Variants in CLIC2 observed in about 807,000 individuals in gnomAD.
The protein encoded by CLIC2 is chloride intracellular channel protein 2.
In CLIC2, 9 loss-of-function variants were observed where a neutral mutation model predicts 14.8. That is an observed-to-expected ratio of 0.61 (90% confidence interval 0.37 to 1.06). The LOEUF is 1.06. Ranked by LOEUF, CLIC2 falls within the 50% of genes least tolerant of loss-of-function variation. CLIC2 has a pLI of 0.01. For synonymous variants in CLIC2, 61 were observed against 66.3 expected (o/e 0.92, Z 0.39); for missense variants, 148 against 181.4 (o/e 0.82, Z 1.06).
intron 1 of CLIC2, among the ~76,000 whole-genome samples, chrX:155,301,036 G>A (rs2075015501): frequency 2.0e-5 from 1 of 50,167 alleles, no homozygotes; most frequent in African/African-American, 4.7e-5. Context: ...TGTTCTTTTG[G>A]CTTAGGATTG....
At chrX:155,292,736 C>G (rs781816847) in intron 3 of CLIC2, 359 of 433,899 alleles carry the variant, frequency 8.3e-4, no homozygotes, top group Middle Eastern at 5.4e-3. Flanking sequence ...CGCCACTGCA[C>G]TCCAGCCTGG....
At chrX:155,325,351 A>ATCAACC (rs1374554068) in intron 1 of CLIC2, among the ~76,000 whole-genome samples, 7 of 111,613 alleles carry the variant, frequency 6.3e-5, no homozygotes, top group African/African-American at 1.3e-4. Context: ...AAGACTTGGA[A>ATCAACC]TCAACCCAAA....
At chrX:155,314,553 C>G (rs2075088165) in intron 1 of CLIC2, among the ~76,000 whole-genome samples, 1 of 111,880 alleles carries the variant, frequency 8.9e-6, no homozygotes, top group Non-Finnish European at 1.9e-5. Context: ...ATCAAGGGAC[C>G]ACCCCGTGGG....
At chrX:155,316,595 G>A (rs2075095931) in intron 1 of CLIC2, among the ~76,000 whole-genome samples, 1 of 110,835 alleles carries the variant, frequency 9.0e-6, no homozygotes, top group Admixed American at 9.7e-5. Context: ...CAAAACCTCT[G>A]GGATACAGCA....
At chrX:155,296,450 G>C (rs1276819918) in intron 3 of CLIC2, among the ~76,000 whole-genome samples, 1 of 111,672 alleles carries the variant, frequency 9.0e-6, no homozygotes. Context: ...CATTGTTCTA[G>C]ACAAATAATT....
chrX:155,285,312 T>C (rs1401510157), intron 3 of CLIC2, among the ~76,000 whole-genome samples: 1 of 112,167 alleles, frequency 8.9e-6, no homozygotes, highest in African/African-American at 3.2e-5. Context: ...TTATCGAATC[T>C]TCACTTTTAA....
chrX:155,277,255 T>C lies in CLIC2; in HGVS notation c.*648A>G, dbSNP rs2074901978. The C allele has an allele frequency of 8.9e-6, 1 of 111,785 alleles. No homozygotes were observed. Among genetic ancestry groups the C allele is most frequent in the Admixed American group, 9.5e-5 (1 of 10,490 alleles). 9.2% of individuals were successfully genotyped at this position (111,785 alleles called of 1,213,427 possible). On this transcript the variant is annotated 3_prime_UTR_variant, in exon 6 of 6. Coordinates refer to ENST00000369449, the MANE Select transcript of CLIC2 (RefSeq NM_001289.6). Reference sequence around the variant, plus strand: ...TCTTATATTGTTTTTTAAAATTATGTTTTATTTAATGAGTGCTTCTTCATT... The same window carrying C: ...TCTTATATTGTTTTTTAAAATTATGCTTTATTTAATGAGTGCTTCTTCATT...
At chrX:155,302,581 C>G (rs1250347714) in intron 1 of CLIC2, among the ~76,000 whole-genome samples, 32 of 77,091 alleles carry the variant, frequency 4.2e-4, no homozygotes, top group East Asian at 9.2e-4. Context: ...CTATTTCCTT[C>G]AGTTCTGCTC....
chrX:155,297,365 AAATAAGATAGAAGG>A (rs782085369), intron 3 of CLIC2, among the ~76,000 whole-genome samples: 1 of 110,923 alleles, frequency 9.0e-6, no homozygotes, highest in Non-Finnish European at 1.9e-5. Flanking sequence ...GTACACACAT[AAATAAGATAGAAGG>A]AATAAATTCA....
intron 3 of CLIC2, among the ~76,000 whole-genome samples, chrX:155,283,467 A>G (rs781818813): frequency 6.6e-4 from 74 of 111,350 alleles, no homozygotes; most frequent in Admixed American, 1.1e-3. Flanking sequence ...TCTAGGGTAC[A>G]TGTGCACAAC....
At chrX:155,326,866 C>T (rs144912227) in intron 1 of CLIC2, among the ~76,000 whole-genome samples, 83 of 111,461 alleles carry the variant, frequency 7.4e-4, no homozygotes, top group African/African-American at 1.8e-3. Flanking sequence ...ATTCCATTTA[C>T]GTAACATTCT....
intron 1 of CLIC2, among the ~76,000 whole-genome samples, chrX:155,331,269 G>A (rs1047482508): frequency 1.8e-5 from 2 of 110,965 alleles, no homozygotes; most frequent in Admixed American, 9.6e-5. Flanking sequence ...AAACACTGAG[G>A]TGTGGGGGAA....
chrX:155,318,653 A>C (rs1321696571), intron 1 of CLIC2, among the ~76,000 whole-genome samples: 1 of 111,917 alleles, frequency 8.9e-6, no homozygotes, highest in Non-Finnish European at 1.9e-5. Context: ...GCAATCTACA[A>C]ATTCAATGCA....
At chrX:155,330,758 C>T (rs1557322744) in intron 1 of CLIC2, among the ~76,000 whole-genome samples, 2 of 110,321 alleles carry the variant, frequency 1.8e-5, no homozygotes, top group East Asian at 5.7e-4. Flanking sequence ...GGAAGAAGCA[C>T]CTGAGAGATG....
In CLIC2 at chrX:155,276,349, T is replaced by G. The variant is rs2074898339; in HGVS notation, c.*1554A>C. The G allele has an allele frequency of 8.9e-6, 1 of 112,443 alleles. No homozygotes were observed. Among genetic ancestry groups the G allele is most frequent in the African/African-American group, 3.2e-5 (1 of 30,978 alleles). 9.3% of individuals were successfully genotyped at this position (112,443 alleles called of 1,213,427 possible). A position where few individuals can be genotyped will look rare whatever the true frequency, so the allele number is the denominator to read the frequency against. ...GGCGTAATTACCATATCCACCACTA[T>G]AAACATTTGTTATTTCTTTGTGGTG... is the stretch of plus-strand genomic sequence containing the variant. On this transcript the variant is annotated 3_prime_UTR_variant, in exon 6 of 6. Coordinates refer to ENST00000369449, the MANE Select transcript of CLIC2 (RefSeq NM_001289.6).
chrX:155,285,268 T>C (rs946084310), intron 3 of CLIC2, among the ~76,000 whole-genome samples: 1 of 112,332 alleles, frequency 8.9e-6, no homozygotes, highest in Non-Finnish European at 1.9e-5. Context: ...ATGGTAACTA[T>C]TATGAACTAG....
intron 3 of CLIC2, among the ~76,000 whole-genome samples, chrX:155,283,100 C>T (rs2074926162): frequency 8.9e-6 from 1 of 112,259 alleles, no homozygotes; most frequent in South Asian, 3.7e-4. Context: ...TCTTCAACCC[C>T]AGATTTTGGG....
intron 3 of CLIC2, among the ~76,000 whole-genome samples, chrX:155,293,848 CA>C (rs1422943527): frequency 9.0e-6 from 1 of 111,211 alleles, no homozygotes; most frequent in African/African-American, 3.3e-5. Flanking sequence ...ATCAACCCAG[CA>C]AAAAAGATAT....
chrX:155,308,149 G>A (rs1335089009), intron 1 of CLIC2, among the ~76,000 whole-genome samples: 1 of 109,368 alleles, frequency 9.1e-6, no homozygotes, highest in Admixed American at 9.8e-5. Flanking sequence ...CTGTTTTGAG[G>A]AAACTAAAAA....
Sources: allele counts gnomAD v4.1 joint callset (sites outside exome capture counted in the v4.1 genomes callset), GRCh38; gene constraint gnomAD v4.1.1; transcripts MANE v1.5; gene names NCBI Gene and HGNC (gene_info 2026-07-23, HGNC 2026-07-21).